Variants in GLIS3 observed in about 807,000 individuals in gnomAD.
GLIS3 encodes GLIS family zinc finger 3, also known as zinc finger protein GLIS3.
In GLIS3, 53 loss-of-function variants were observed where a neutral mutation model predicts 78.6. The ratio of observed to expected loss-of-function variants is 0.67; its 90% CI spans 0.54 to 0.85. The LOEUF (loss-of-function observed/expected upper bound fraction) is 0.85. Ranked by LOEUF, GLIS3 falls within the 40% of genes least tolerant of loss-of-function variation. The probability of loss-of-function intolerance (pLI) is 0.00; values close to 1 mark genes in which losing one functional copy is unlikely to be tolerated. For synonymous variants in GLIS3, 684 were observed against 509.9 expected (o/e 1.34, Z -4.60); for missense variants, 1,703 against 1,231.1 (o/e 1.38, Z -5.74).
intron 4 of GLIS3, among the ~76,000 whole-genome samples, chr9:4,087,660 A>T (rs1829148117): frequency 1.3e-5 from 2 of 152,220 alleles, no homozygotes; most frequent in Non-Finnish European, 2.9e-5. Context: ...CAACAGATTT[A>T]AGGGGGAAAG....
At chr9:4,297,989 C>A (rs373838766) in intron 1 of GLIS3, among the ~76,000 whole-genome samples, 54 of 152,270 alleles carry the variant, frequency 3.5e-4, no homozygotes, top group African/African-American at 1.1e-3. Context: ...GTACGCGCGG[C>A]TGCGACCCCG....
chr9:4,368,978 T>C, the GLIS3 span, among the ~76,000 whole-genome samples: 1 of 152,170 alleles, frequency 6.6e-6, no homozygotes, highest in East Asian at 1.9e-4. Context: ...GAACAAACAA[T>C]GGGAAAAAGA....
At chr9:4,182,033 C>A (rs1353770988) in intron 2 of GLIS3, among the ~76,000 whole-genome samples, 4 of 152,182 alleles carry the variant, frequency 2.6e-5, no homozygotes, top group East Asian at 3.8e-4. Flanking sequence ...GCAAGTATAG[C>A]TTTATGAAGA....
At chr9:3,897,551 C>T (rs1822947598) in intron 7 of GLIS3, among the ~76,000 whole-genome samples, 1 of 152,068 alleles carries the variant, frequency 6.6e-6, no homozygotes, top group Non-Finnish European at 1.5e-5. Flanking sequence ...GTTTGGTCAA[C>T]CCTTCTTCGT....
chr9:4,058,905 C>T (rs1265970808), intron 4 of GLIS3, among the ~76,000 whole-genome samples: 1 of 151,720 alleles, frequency 6.6e-6, no homozygotes, highest in Non-Finnish European at 1.5e-5. Context: ...TGGAATGAAC[C>T]CAGGAGGTGG....
At chr9:4,318,046 A>T (rs951401748) in intron 2 of GLIS3, among the ~76,000 whole-genome samples, 1 of 152,224 alleles carries the variant, frequency 6.6e-6, no homozygotes. Flanking sequence ...AAAATTATAG[A>T]AACTGAGGAA....
intron 2 of GLIS3, among the ~76,000 whole-genome samples, chr9:4,175,945 T>C (rs60619356): frequency 0.14 from 21,108 of 152,232 alleles, 1,642 homozygotes; most frequent in African/African-American, 0.21. Flanking sequence ...ATAGCCAGAA[T>C]TGAAATCCAG....
intron 2 of GLIS3, among the ~76,000 whole-genome samples, chr9:4,282,519 C>T (rs146454300): frequency 6.6e-6 from 1 of 152,236 alleles, no homozygotes; most frequent in African/African-American, 2.4e-5. Context: ...TTTTTCCTTG[C>T]CTTTAACTTC....
intron 2 of GLIS3, among the ~76,000 whole-genome samples, chr9:4,193,121 T>A (rs1818482208): frequency 6.6e-6 from 1 of 152,258 alleles, no homozygotes; most frequent in Admixed American, 6.5e-5. Context: ...ACTTATATTT[T>A]ACTTAGCTAA....
chr9:4,170,191 T>A (rs1364864270), intron 2 of GLIS3, among the ~76,000 whole-genome samples: 1 of 152,164 alleles, frequency 6.6e-6, no homozygotes, highest in East Asian at 1.9e-4. Flanking sequence ...AAGAAACTTT[T>A]CTTGAAAATA....
At chr9:3,875,481 A>C (rs1821251342) in intron 8 of GLIS3, 2 of 152,190 alleles carry the variant, frequency 1.3e-5, no homozygotes, top group Admixed American at 1.3e-4. Context: ...CAATGCCCGC[A>C]AGCAGGAAAA....
chr9:4,073,643 T>C (rs773111166), intron 4 of GLIS3, among the ~76,000 whole-genome samples: 32 of 152,054 alleles, frequency 2.1e-4, no homozygotes, highest in Non-Finnish European at 4.1e-4. Context: ...CATATTTCTC[T>C]CCCTCAAAGA....
intron 2 of GLIS3, among the ~76,000 whole-genome samples, chr9:4,268,897 G>A (rs138326983): frequency 2.0e-5 from 3 of 152,150 alleles, no homozygotes; most frequent in African/African-American, 7.2e-5. Context: ...GGCAGTAGCT[G>A]TTTGCTGCAG....
chr9:3,948,287 C>G (rs1280514518), intron 4 of GLIS3, among the ~76,000 whole-genome samples: 1 of 152,224 alleles, frequency 6.6e-6, no homozygotes, highest in Non-Finnish European at 1.5e-5. Context: ...TGATTTTAAA[C>G]TACTCTATCC....
chr9:3,926,228 C>CT (rs1263149969), intron 6 of GLIS3, among the ~76,000 whole-genome samples: 29 of 125,192 alleles, frequency 2.3e-4, no homozygotes, highest in South Asian at 8.0e-4. Context: ...AATGCTTTTT[C>CT]TTTTGTTTTT....
chr9:4,419,977 C>T, the GLIS3 span, among the ~76,000 whole-genome samples: 10 of 152,086 alleles, frequency 6.6e-5, no homozygotes, highest in Non-Finnish European at 1.3e-4. Context: ...AACCGTATTA[C>T]CCAGGTTGAG....
At chr9:4,467,313 G>A in the GLIS3 span, among the ~76,000 whole-genome samples, 1 of 152,206 alleles carries the variant, frequency 6.6e-6, no homozygotes, top group Admixed American at 6.5e-5. Flanking sequence ...TTTGAGATCT[G>A]AGAACGGACA....
chr9:4,297,208 C>A (rs1245378762), intron 1 of GLIS3, among the ~76,000 whole-genome samples: 1 of 152,086 alleles, frequency 6.6e-6, no homozygotes, highest in Non-Finnish European at 1.5e-5. Context: ...ACTCCCAAGG[C>A]AGAAATCATG....
intron 2 of GLIS3, among the ~76,000 whole-genome samples, chr9:4,325,465 C>T (rs1817585395): frequency 6.6e-6 from 1 of 152,212 alleles, no homozygotes; most frequent in Admixed American, 6.5e-5. Flanking sequence ...TCAGAGCCCA[C>T]TGAAATTTTT....
Sources: gnomAD v4.1 joint callset for allele counts (sites outside exome capture counted in the v4.1 genomes callset) on GRCh38, gnomAD v4.1.1 for gene constraint, MANE v1.5 for transcripts, NCBI Gene and HGNC (gene_info 2026-07-23, HGNC 2026-07-21) for gene names.